The following HTATIP2 variants were observed in gnomAD, a reference collection of about 807,000 sequenced individuals.
The protein encoded by HTATIP2 is protein HTATIP2.
HTATIP2 carries 26 observed loss-of-function variants against 24.7 expected under a neutral mutation model. That is an observed-to-expected ratio of 1.05 (90% CI 0.77 to 1.46). The LOEUF is 1.46. Among genes scored for constraint, HTATIP2 ranks in the 40% most tolerant of loss-of-function variants. The pLI is 0.00. For synonymous variants in HTATIP2, 99 were observed against 113.2 expected, an observed-to-expected ratio of 0.87 and a Z score of 0.79; for missense variants, 284 against 289.6, an observed-to-expected ratio of 0.98 and a Z score of 0.14.
chr11:20,365,252 G>C (rs1199303164), intron 1 of HTATIP2, among the ~76,000 whole-genome samples: 2 of 152,182 alleles, frequency 1.3e-5, no homozygotes, highest in African/African-American at 4.8e-5. Context: ...GCCTCCCAAA[G>C]TGCTGCGATT....
At chr11:20,370,627 C>G (rs541897137) in intron 2 of HTATIP2, among the ~76,000 whole-genome samples, 1 of 152,114 alleles carries the variant, frequency 6.6e-6, no homozygotes, top group Non-Finnish European at 1.5e-5. Flanking sequence ...TTTTGTACAC[C>G]CTGTGAGCTA....
chr11:20,382,260 G>T, intron 4 of HTATIP2, 21 bp downstream of exon 4: 1 of 1,354,776 alleles, frequency 7.4e-7, no homozygotes, highest in Non-Finnish European at 1.1e-6. Context: ...TATTTATACT[G>T]AATGAGAGTA....
At chr11:20,370,656 TA>T (rs1384230191) in intron 2 of HTATIP2, among the ~76,000 whole-genome samples, 1 of 152,190 alleles carries the variant, frequency 6.6e-6, no homozygotes, top group Non-Finnish European at 1.5e-5. Context: ...TTTATGTATA[TA>T]TTTTTTTTTT....
chr11:20,371,478 G>A (rs748971482), intron 2 of HTATIP2, among the ~76,000 whole-genome samples: 5 of 152,000 alleles, frequency 3.3e-5, no homozygotes, highest in Admixed American at 2.0e-4. Flanking sequence ...GTGTGATTTC[G>A]GCTCACTGCA....
chr11:20,371,599 T>G (rs578054720), intron 2 of HTATIP2, among the ~76,000 whole-genome samples: 2 of 148,874 alleles, frequency 1.3e-5, no homozygotes, highest in East Asian at 3.9e-4. Flanking sequence ...GGCTGGCTAA[T>G]TTTTGTATTT....
chr11:20,372,507 G>A (rs2064782427), intron 2 of HTATIP2, among the ~76,000 whole-genome samples: 1 of 152,204 alleles, frequency 6.6e-6, no homozygotes, highest in African/African-American at 2.4e-5. Flanking sequence ...TTCTTTTTGA[G>A]AGGGTGCTGG....
chr11:20,372,233 G>A (rs186483732), intron 2 of HTATIP2, among the ~76,000 whole-genome samples: 19 of 152,282 alleles, frequency 1.2e-4, no homozygotes, highest in South Asian at 8.3e-4. Flanking sequence ...ACAGACCACC[G>A]TGCCTGACCC....
At chr11:20,367,364 C>T in intron 2 of HTATIP2, 83 bp downstream of exon 2, 2 of 1,603,908 alleles carry the variant, frequency 1.2e-6, no homozygotes, top group Non-Finnish European at 1.7e-6. Flanking sequence ...TTTCTTTGTG[C>T]CTGTTGCAAT....
intron 2 of HTATIP2, among the ~76,000 whole-genome samples, chr11:20,375,797 C>T (rs766110254): frequency 1.3e-5 from 2 of 152,110 alleles, no homozygotes; most frequent in Non-Finnish European, 2.9e-5. Flanking sequence ...TCAGTTAGGC[C>T]CTGGAAGTGA....
intron 2 of HTATIP2, among the ~76,000 whole-genome samples, chr11:20,373,294 G>A (rs575451194): frequency 6.6e-6 from 1 of 152,288 alleles, no homozygotes; most frequent in African/African-American, 2.4e-5. Flanking sequence ...GGCCGGGGTG[G>A]TATTGATGTG....
At chr11:20,377,257 A>AT (rs1304271003) in intron 3 of HTATIP2, among the ~76,000 whole-genome samples, 1 of 150,428 alleles carries the variant, frequency 6.6e-6, no homozygotes, top group African/African-American at 2.4e-5. Flanking sequence ...TAATTTTTGT[A>AT]TTTTTGGTAG....
At position 20,382,956 on chromosome 11, in the gene HTATIP2, CTTTTT is replaced by C. The variant is rs201853886; in HGVS notation, c.504-12_504-8del. 69 of 1,256,466 alleles carry C rather than the reference CTTTTT, an allele frequency of 5.5e-5. No homozygotes were observed. Among genetic ancestry groups the C allele is most frequent in the Middle Eastern group, 2.5e-4 (1 of 3,948 alleles). 77.8% of individuals were successfully genotyped at this position (1,256,466 alleles called of 1,614,324 possible). ...ACCACCTCTTCCTCTGCTTTTCTTTCTTTTTTTTTTTTTTTTATTTTAGAGTTCTG... is the reference window on the plus strand; with the variant it reads ...ACCACCTCTTCCTCTGCTTTTCTTTCTTTTTTTTTTTATTTTAGAGTTCTG... On this transcript the variant is annotated intron_variant, in intron 4 of 4. Coordinates refer to ENST00000451739, the MANE Select transcript of HTATIP2 (RefSeq NM_001098522.2).
In HTATIP2 at chr11:20,383,077, G is replaced by C. The variant is rs774019635; in HGVS notation, c.601G>C (p.Val201Leu). The C allele has an allele frequency of 1.9e-6, 3 of 1,613,604 alleles. No homozygotes were observed. The highest frequency in any genetic ancestry group is 2.2e-5 in the East Asian group (1 of 44,836). ...AGACTCTTGGGCCAGTGGGCATTCT[G>C]TGCCTGTGGTGACCGTGGTTAGAGC... ...LPDSWASGHS[V>L]PVVTVVRAML... Residue 201 changes from valine (V) to leucine (L), a missense_variant, in exon 5 of 5, where the codon GTG becomes CTG. Val to Leu is a conservative substitution (Grantham distance 32). Coordinates refer to ENST00000451739, the MANE Select transcript of HTATIP2 (RefSeq NM_001098522.2).
rs1465458422 is a variant in HTATIP2 at position 20,367,771 on chromosome 11, C to G, written c.303+490C>G. The G allele has an allele frequency of 1.9e-5, 11 of 574,758 alleles. No homozygotes were observed. The East Asian group carries it at 1.3e-3, about 69-fold the overall frequency. 35.6% of individuals were successfully genotyped at this position (574,758 alleles called of 1,614,324 possible). ...CAACCAGCCTCCAGCGATGACTCAGCCTTCAGCGATGATTCAACCCCACTA... is the reference window on the plus strand; with the variant it reads ...CAACCAGCCTCCAGCGATGACTCAGGCTTCAGCGATGATTCAACCCCACTA... On this transcript the variant is annotated intron_variant, in intron 2 of 4. Coordinates refer to ENST00000451739, the MANE Select transcript of HTATIP2 (RefSeq NM_001098522.2).
intron 2 of HTATIP2, among the ~76,000 whole-genome samples, chr11:20,373,434 G>T (rs1030132563): frequency 6.6e-6 from 1 of 152,146 alleles, no homozygotes; most frequent in Non-Finnish European, 1.5e-5. Flanking sequence ...ATAAATTAGG[G>T]TCTCAGTTTA....
rs772015987 is a variant in HTATIP2 at position 20,364,294 on chromosome 11, A to G, written c.57A>G (p.Lys19=). ...GGGAAGACTTCAGGATGCAGAATAA[A>G]TCCGTCTTTATTTTGGGCGCCAGCG... ...KLREDFRMQN[K]SVFILGASGE... is the part of the protein sequence containing the mutation. Residue 19 remains lysine, a synonymous_variant, in exon 1 of 5, where the codon AAA becomes AAG. Transcript: ENST00000451739. 2 of 1,613,738 alleles carry G rather than the reference A, an allele frequency of 1.2e-6. No individual in the cohort carries two copies. Among genetic ancestry groups the G allele is most frequent in the Admixed American group, 1.7e-5 (1 of 59,976 alleles).
Position 20,382,237 on chromosome 11 carries a change from T to C in HTATIP2, c.501T>C (p.Pro167=). 2 of 1,543,510 alleles carry C rather than the reference T, an allele frequency of 1.3e-6. No homozygotes were observed. Among genetic ancestry groups the C allele is most frequent in the Non-Finnish European group, 1.8e-6 (2 of 1,115,830 alleles). ...LKFDRYSVFR[P]GVLLCDRQES... ...TTGATCGTTACTCTGTATTTAGGCC[T>C]GGGTAAGTATAATATTTATACTGAA... The change falls in exon 4 of 5, where the codon CCT becomes CCC. Residue 167 remains proline, a splice_region_variant and synonymous_variant. Coordinates refer to ENST00000451739, the MANE Select transcript of HTATIP2 (RefSeq NM_001098522.2).
intron 2 of HTATIP2, among the ~76,000 whole-genome samples, chr11:20,369,703 C>T (rs1408693353): frequency 1.3e-5 from 2 of 152,084 alleles, no homozygotes; most frequent in Non-Finnish European, 2.9e-5. Flanking sequence ...TTTATAAGAC[C>T]ACTAGTCATA....
chr11:20,382,239 G>C lies in HTATIP2; in HGVS notation c.503G>C (p.Gly168Ala), dbSNP rs1480702825. Reference sequence around the variant, plus strand: ...GATCGTTACTCTGTATTTAGGCCTGGGTAAGTATAATATTTATACTGAATG... The same window carrying C: ...GATCGTTACTCTGTATTTAGGCCTGCGTAAGTATAATATTTATACTGAATG... ...KFDRYSVFRP[G>A]VLLCDRQESR... The change falls in exon 4 of 5, where the codon GGA becomes GCA. Residue 168 changes from glycine to alanine, a missense_variant and splice_region_variant. Coordinates refer to ENST00000451739, the MANE Select transcript of HTATIP2 (RefSeq NM_001098522.2). 2 of 1,543,590 alleles carry C rather than the reference G, an allele frequency of 1.3e-6. No individual in the cohort carries two copies. The highest frequency in any genetic ancestry group is 1.7e-5 in the Admixed American group (1 of 59,866).
Sources: allele counts gnomAD v4.1 joint callset (sites outside exome capture counted in the v4.1 genomes callset), GRCh38; gene constraint gnomAD v4.1.1; transcripts MANE v1.5; gene names NCBI Gene and HGNC (gene_info 2026-07-23, HGNC 2026-07-21).